MFHAS1: variants seen among roughly 807,000 people sequenced by gnomAD.
MFHAS1 encodes the protein multifunctional ROCO family signaling regulator 1, also known as malignant fibrous histiocytoma-amplified sequence 1.
In MFHAS1, 50 loss-of-function variants were observed where a neutral mutation model predicts 70.4. The ratio of observed to expected loss-of-function variants is 0.71; its 90% CI spans 0.57 to 0.90. The LOEUF (loss-of-function observed/expected upper bound fraction) is 0.90, where lower values mean the gene tolerates loss of function less well. Among genes scored for constraint, MFHAS1 ranks in the 40% least tolerant of loss-of-function variants. MFHAS1 has a pLI of 0.00. For missense variants in MFHAS1, 1,795 were observed against 1,347.6 expected, an observed-to-expected ratio of 1.33 and a Z score of -5.20; for synonymous variants, 952 against 620.0, an observed-to-expected ratio of 1.54 and a Z score of -7.96.
At chr8:8,865,357 G>C (rs1340768421) in intron 1 of MFHAS1, among the ~76,000 whole-genome samples, 1 of 148,854 alleles carries the variant, frequency 6.7e-6, no homozygotes, top group East Asian at 1.9e-4. Flanking sequence ...TAAAAACCTA[G>C]CTCCACTTAG....
At chr8:8,874,547 T>C (rs951755164) in intron 1 of MFHAS1, among the ~76,000 whole-genome samples, 1 of 152,110 alleles carries the variant, frequency 6.6e-6, no homozygotes, top group Non-Finnish European at 1.5e-5. Flanking sequence ...CAAGAAACAT[T>C]TTACAGAGGA....
At chr8:8,794,276 C>T (rs532648182) in intron 2 of MFHAS1, among the ~76,000 whole-genome samples, 23 of 152,294 alleles carry the variant, frequency 1.5e-4, no homozygotes, top group African/African-American at 5.5e-4. Flanking sequence ...TAGCCCCGGA[C>T]TTCCAATGTC....
In MFHAS1 at chr8:8,796,688, C is replaced by CAAAAGAAAA. The variant is rs1554475314; in HGVS notation, c.3125+676_3125+677insTTTTCTTTT. On this transcript the variant is annotated intron_variant, in intron 2 of 2. Transcript: ENST00000276282. ...GACAGAGCAAGACTCCGTCTCAAAA[C>CAAAAGAAAA]AAAAAAAAAAAAAAAGGCAAAAAAA... 8.1e-5 allele frequency among the ~76,000 whole-genome samples: 2 copies of CAAAAGAAAA among 24,774 alleles called. 1 individual carries two copies. The highest frequency in any genetic ancestry group is 3.4e-4 in the African/African-American group (2 of 5,874). 16.3% of individuals were successfully genotyped at this position (24,774 alleles called of 152,430 possible).
intron 1 of MFHAS1, among the ~76,000 whole-genome samples, chr8:8,876,591 C>T (rs951914480): frequency 3.9e-5 from 6 of 151,920 alleles, no homozygotes; most frequent in South Asian, 4.2e-4. Flanking sequence ...AAAAATTAGC[C>T]GGGCATAGTG....
intron 1 of MFHAS1, among the ~76,000 whole-genome samples, chr8:8,842,276 C>A (rs1026259076): frequency 3.3e-5 from 5 of 152,074 alleles, no homozygotes; most frequent in Non-Finnish European, 7.4e-5. Context: ...ACCTCTGCCT[C>A]CCAGGTTCAA....
chr8:8,816,478 T>C (rs1288816882), intron 1 of MFHAS1, among the ~76,000 whole-genome samples: 1 of 152,228 alleles, frequency 6.6e-6, no homozygotes, highest in East Asian at 1.9e-4. Context: ...ATGAGTTTCA[T>C]GCTAAAGAAT....
intron 1 of MFHAS1, among the ~76,000 whole-genome samples, chr8:8,889,671 G>T: frequency 6.6e-6 from 1 of 152,164 alleles, no homozygotes; most frequent in South Asian, 2.1e-4. Flanking sequence ...CTACCCCTTT[G>T]AGACGTGTCT....
intron 1 of MFHAS1, among the ~76,000 whole-genome samples, chr8:8,863,212 T>A (rs1392041070): frequency 6.6e-6 from 1 of 152,240 alleles, no homozygotes; most frequent in African/African-American, 2.4e-5. Flanking sequence ...AATACTACAC[T>A]GTCTTAATTA....
chr8:8,836,442 G>A (rs1807597305), intron 1 of MFHAS1, among the ~76,000 whole-genome samples: 1 of 152,120 alleles, frequency 6.6e-6, no homozygotes. Context: ...GCAGTGGCAT[G>A]ATCGGAACTC....
chr8:8,813,178 G>C (rs950718271), intron 1 of MFHAS1, among the ~76,000 whole-genome samples: 2 of 152,158 alleles, frequency 1.3e-5, no homozygotes, highest in Non-Finnish European at 2.9e-5. Context: ...GTAGAGCAAT[G>C]CATTATTCTT....
At position 8,891,228 on chromosome 8, in the gene MFHAS1, G is replaced by A. The variant is rs766217777; in HGVS notation, c.1831C>T (p.Gln611Ter). ...KNLRRRKAHF[Q>*]YLLNHRLQIL... ...TGCAGCCGGTGGTTGAGCAGGTATT[G>A]AAAATGGGCCTTGCGCCGTCGAAGG... The change falls in exon 1 of 3, where the codon CAA (glutamine) becomes TAA (stop). Residue 611 changes from glutamine to a stop codon, truncating the protein, a stop_gained. Coordinates refer to ENST00000276282, the MANE Select transcript of MFHAS1 (RefSeq NM_004225.3). LOFTEE classifies it high-confidence loss of function. The surrounding 1 kb of genome is among the most constrained non-coding windows in gnomAD (Gnocchi z 5.4). The A allele has an allele frequency of 1.9e-6, 3 of 1,612,422 alleles. No individual in the cohort carries two copies. The highest frequency in any genetic ancestry group is 1.3e-5 in the African/African-American group (1 of 74,940).
intron 1 of MFHAS1, among the ~76,000 whole-genome samples, chr8:8,832,935 A>C (rs899455583): frequency 1.3e-5 from 2 of 152,190 alleles, no homozygotes; most frequent in Admixed American, 1.3e-4. Flanking sequence ...GGTAATTTAT[A>C]AAGAAAAGAG....
chr8:8,823,313 G>A (rs1271987127), intron 1 of MFHAS1, among the ~76,000 whole-genome samples: 2 of 152,156 alleles, frequency 1.3e-5, no homozygotes, highest in East Asian at 1.9e-4. Context: ...GTTTCTCTCT[G>A]TATCCAGAGA....
intron 1 of MFHAS1, among the ~76,000 whole-genome samples, chr8:8,873,927 A>C (rs1252479229): frequency 6.6e-6 from 1 of 152,200 alleles, no homozygotes; most frequent in Non-Finnish European, 1.5e-5. Context: ...GCTATGTCTA[A>C]ACACTGCATC....
rs558589525 is a variant in MFHAS1, at chr8:8,801,330, G to C, written c.2999-3839C>G. On this transcript the variant is annotated intron_variant, in intron 1 of 2. Coordinates refer to ENST00000276282, the MANE Select transcript of MFHAS1 (RefSeq NM_004225.3). The stretch of plus-strand genomic sequence containing the variant: ...CAGAGCCAGGTAACTGGTTTTGTTT[G>C]GGTCTTATCTCTAGCAGGACTGCCA... Among the ~76,000 whole-genome samples, 123 of 152,316 alleles carry C rather than the reference G, an allele frequency of 8.1e-4. 1 individual carries two copies. The highest frequency in any genetic ancestry group is 2.7e-3 in the African/African-American group (114 of 41,560).
intron 1 of MFHAS1, among the ~76,000 whole-genome samples, chr8:8,834,896 A>G (rs1049447900): frequency 5.9e-5 from 9 of 152,224 alleles, no homozygotes; most frequent in African/African-American, 2.2e-4. Flanking sequence ...GGGAAACAGC[A>G]ATAATTGTGG....
At chr8:8,849,343 A>T (rs1367789160) in intron 1 of MFHAS1, among the ~76,000 whole-genome samples, 2 of 152,114 alleles carry the variant, frequency 1.3e-5, no homozygotes, top group Non-Finnish European at 2.9e-5. Context: ...AGCCTCCTGA[A>T]GTGCTGGGAT....
intron 1 of MFHAS1, among the ~76,000 whole-genome samples, chr8:8,852,076 C>A (rs1488224793): frequency 6.6e-6 from 1 of 152,154 alleles, no homozygotes; most frequent in Non-Finnish European, 1.5e-5. Context: ...GGAGACCCCT[C>A]TCCAGCACCA....
Position 8,876,002 on chromosome 8 carries a change from C to T in MFHAS1, c.2998+14059G>A, listed in dbSNP as rs1368066422. ...GAAGAAAAGAGTTTTGATCCACAAA[C>T]TTATCACTCTTCTAAAAGTATGTTT... On this transcript the variant is annotated intron_variant, in intron 1 of 2. Transcript: ENST00000276282. Among the ~76,000 whole-genome samples the T allele has an allele frequency of 3.3e-5, 5 of 152,316 alleles. No homozygotes were observed. The East Asian group carries it at 5.8e-4, about 18-fold the overall frequency.
Sources: gnomAD v4.1 joint callset for allele counts (sites outside exome capture counted in the v4.1 genomes callset) on GRCh38, gnomAD v4.1.1 for gene constraint, Gnocchi (gnomAD v3.1) non-coding constraint, MANE v1.5 for transcripts, NCBI Gene and HGNC (gene_info 2026-07-23, HGNC 2026-07-21) for gene names.